C1QTNF3: variants seen among roughly 807,000 people sequenced by gnomAD.
C1QTNF3 encodes complement C1q tumor necrosis factor-related protein 3.
C1QTNF3 carries 26 observed loss-of-function variants against 32.6 expected under a neutral mutation model. The observed-to-expected ratio is 0.80, with a 90% confidence interval of 0.58 to 1.11. The LOEUF (loss-of-function observed/expected upper bound fraction) is 1.11, where lower values mean the gene tolerates loss of function less well. Among genes scored for constraint, C1QTNF3 ranks in the 50% least tolerant of loss-of-function variants. C1QTNF3 has a pLI of 0.00. For missense variants in C1QTNF3, 362 were observed against 398.2 expected, an observed-to-expected ratio of 0.91 and a Z score of 0.77; for synonymous variants, 155 against 146.0, an observed-to-expected ratio of 1.06 and a Z score of -0.44.
At chr5:34,176,844 A>G in the C1QTNF3 span, among the ~76,000 whole-genome samples, 1 of 142,150 alleles carries the variant, frequency 7.0e-6, no homozygotes, top group Non-Finnish European at 1.6e-5. Flanking sequence ...GTGACAGAAC[A>G]AGACCCTATC....
chr5:34,038,921 T>C (rs1346564840), intron 1 of C1QTNF3, among the ~76,000 whole-genome samples: 1 of 152,148 alleles, frequency 6.6e-6, no homozygotes, highest in Non-Finnish European at 1.5e-5. Context: ...TTCTCTAAAA[T>C]AATAATTGGT....
rs1463992439 is a variant in C1QTNF3 at position 34,018,656 on chromosome 5, T to C, written c.*1927A>G. Among the ~76,000 whole-genome samples, 1 of 152,250 alleles carries C rather than the reference T, an allele frequency of 6.6e-6. No individual in the cohort carries two copies. Among genetic ancestry groups the C allele is most frequent in the Non-Finnish European group, 1.5e-5 (1 of 68,046 alleles). ...TAATTTTGACTTCAGCTTTTATTCATGATACAATCAATAAAATTCCTTCAA... is the reference window on the plus strand; with the variant it reads ...TAATTTTGACTTCAGCTTTTATTCACGATACAATCAATAAAATTCCTTCAA... On this transcript the variant is annotated 3_prime_UTR_variant, in exon 6 of 6. Coordinates refer to ENST00000382065, the MANE Select transcript of C1QTNF3 (RefSeq NM_181435.6).
At chr5:34,203,435 C>T in the C1QTNF3 span, among the ~76,000 whole-genome samples, 1 of 152,176 alleles carries the variant, frequency 6.6e-6, no homozygotes, top group Non-Finnish European at 1.5e-5. Context: ...CACCTGTAAT[C>T]CCAGCACTTT....
At chr5:34,038,402 G>A (rs1310049267) in intron 1 of C1QTNF3, among the ~76,000 whole-genome samples, 2 of 152,196 alleles carry the variant, frequency 1.3e-5, no homozygotes, top group East Asian at 1.9e-4. Context: ...TAAGAAAGAC[G>A]TATTGGAAGA....
chr5:34,213,945 G>A, the C1QTNF3 span, among the ~76,000 whole-genome samples: 1 of 147,494 alleles, frequency 6.8e-6, no homozygotes, highest in Non-Finnish European at 1.5e-5. Context: ...CCAAGTGGCT[G>A]GAATTACAGG....
At position 34,018,145 on chromosome 5, in the gene C1QTNF3, C is replaced by A. The variant is rs557116723; in HGVS notation, c.*2438G>T. ...ACATGCAGGAAAAGACTGAAATAAA[C>A]ACTTTAAAATAGTAATATTATTTAA... is the stretch of plus-strand genomic sequence containing the variant. On this transcript the variant is annotated 3_prime_UTR_variant, in exon 6 of 6. Coordinates refer to ENST00000382065, the MANE Select transcript of C1QTNF3 (RefSeq NM_181435.6). 6.6e-6 allele frequency among the ~76,000 whole-genome samples: 1 copy of A among 151,772 alleles called. No homozygotes were observed. The highest frequency in any genetic ancestry group is 2.4e-5 in the African/African-American group (1 of 41,478).
the C1QTNF3 span, among the ~76,000 whole-genome samples, chr5:34,074,728 T>C: frequency 6.6e-6 from 1 of 151,648 alleles, no homozygotes; most frequent in African/African-American, 2.4e-5. Flanking sequence ...ATTTCAACTG[T>C]AAGTGTGTTC....
At chr5:34,100,859 C>A in the C1QTNF3 span, among the ~76,000 whole-genome samples, 3 of 151,096 alleles carry the variant, frequency 2.0e-5, no homozygotes, top group Non-Finnish European at 4.4e-5. Context: ...ATAAACTAAC[C>A]CAAATAGTAT....
At chr5:34,161,902 C>A in the C1QTNF3 span, among the ~76,000 whole-genome samples, 1 of 152,068 alleles carries the variant, frequency 6.6e-6, no homozygotes, top group Admixed American at 6.6e-5. Flanking sequence ...CCACTTAAAC[C>A]ATGCATTGTG....
At chr5:34,216,480 C>G in the C1QTNF3 span, among the ~76,000 whole-genome samples, 1 of 152,114 alleles carries the variant, frequency 6.6e-6, no homozygotes, top group South Asian at 2.1e-4. Context: ...TGGCATGTGA[C>G]TTGAAAATTT....
intron 4 of C1QTNF3, 52 bp from the exon 5 acceptor site, chr5:34,024,060 G>C (rs1257341561): frequency 7.0e-7 from 1 of 1,428,580 alleles, no homozygotes; most frequent in Non-Finnish European, 9.8e-7. Context: ...TATACATTGA[G>C]GACCTGGAGA....
At chr5:34,165,259 C>T in the C1QTNF3 span, 2 of 152,132 alleles carry the variant, frequency 1.3e-5, no homozygotes, top group African/African-American at 4.8e-5. Flanking sequence ...AGCTACTCTA[C>T]TCTCTTCCCT....
At chr5:34,141,199 A>C in the C1QTNF3 span, among the ~76,000 whole-genome samples, 6 of 151,954 alleles carry the variant, frequency 3.9e-5, no homozygotes, top group African/African-American at 1.5e-4. Flanking sequence ...GGCTCACTGC[A>C]ACTTCGCCTC....
At chr5:34,184,715 C>CAAAAAA in the C1QTNF3 span, among the ~76,000 whole-genome samples, 7 of 129,580 alleles carry the variant, frequency 5.4e-5, no homozygotes, top group African/African-American at 8.4e-5. Context: ...GACTCTGTCT[C>CAAAAAA]AAAAAAAAAA....
the C1QTNF3 span, among the ~76,000 whole-genome samples, chr5:34,075,910 C>T: frequency 6.7e-6 from 1 of 148,674 alleles, no homozygotes; most frequent in Admixed American, 6.7e-5. Context: ...TGTGTATACA[C>T]ACACACACGG....
chr5:34,160,750 G>C, the C1QTNF3 span, among the ~76,000 whole-genome samples: 1 of 151,978 alleles, frequency 6.6e-6, no homozygotes, highest in Admixed American at 6.6e-5. Flanking sequence ...CACTGTGAAG[G>C]TTAAATCAAA....
intron 1 of C1QTNF3, among the ~76,000 whole-genome samples, chr5:34,039,410 C>T (rs997777101): frequency 2.6e-5 from 4 of 152,274 alleles, no homozygotes; most frequent in East Asian, 1.9e-4. Flanking sequence ...CTAAAACTTG[C>T]GTTGGTCTCT....
chr5:34,072,477 T>G, the C1QTNF3 span, among the ~76,000 whole-genome samples: 1 of 152,328 alleles, frequency 6.6e-6, no homozygotes, highest in African/African-American at 2.4e-5. Context: ...GATGGATCAT[T>G]TGTAGAATAC....
the C1QTNF3 span, among the ~76,000 whole-genome samples, chr5:34,114,640 T>C: frequency 1.3e-5 from 2 of 152,218 alleles, no homozygotes; most frequent in African/African-American, 4.8e-5. Context: ...TTTACCATTT[T>C]GCTTTTCCTT....
Sources: gnomAD v4.1 joint callset for allele counts (sites outside exome capture counted in the v4.1 genomes callset) on GRCh38, gnomAD v4.1.1 for gene constraint, MANE v1.5 for transcripts, NCBI Gene and HGNC (gene_info 2026-07-23, HGNC 2026-07-21) for gene names.